Variants in PEBP4 observed in about 807,000 individuals in gnomAD.
PEBP4 encodes the protein phosphatidylethanolamine-binding protein 4.
Under a neutral mutation model 23.9 loss-of-function variants are expected in PEBP4, and 22 were observed. The ratio of observed to expected loss-of-function variants is 0.92; its 90% CI spans 0.66 to 1.31. PEBP4 has a LOEUF of 1.31. Ranked by LOEUF, PEBP4 falls within the 40% of genes most tolerant of loss-of-function variation. The pLI is 0.00. For synonymous variants in PEBP4, 112 were observed against 99.3 expected, an observed-to-expected ratio of 1.13 and a Z score of -0.76; for missense variants, 324 against 281.7, an observed-to-expected ratio of 1.15 and a Z score of -1.07.
chr8:22,722,543 C>G (rs1293850524), intron 6 of PEBP4, among the ~76,000 whole-genome samples: 1 of 152,216 alleles, frequency 6.6e-6, no homozygotes, highest in Non-Finnish European at 1.5e-5. Flanking sequence ...CCACAGACTT[C>G]CAATTGTCCT....
intron 4 of PEBP4, among the ~76,000 whole-genome samples, chr8:22,737,918 C>T (rs1168993306): frequency 1.3e-5 from 2 of 152,078 alleles, no homozygotes; most frequent in Non-Finnish European, 2.9e-5. Flanking sequence ...CCGGCGGGAC[C>T]CTGGAGGGAA....
At chr8:22,854,837 G>A (rs1235717242) in intron 3 of PEBP4, among the ~76,000 whole-genome samples, 1 of 151,938 alleles carries the variant, frequency 6.6e-6, no homozygotes, top group Non-Finnish European at 1.5e-5. Context: ...TCTACTGAAG[G>A]TTTTATTTGC....
chr8:22,779,165 T>C (rs1238729173), intron 4 of PEBP4, among the ~76,000 whole-genome samples: 2 of 151,816 alleles, frequency 1.3e-5, no homozygotes, highest in Non-Finnish European at 2.9e-5. Flanking sequence ...GGGTTTGGGA[T>C]CCTGAGAAGG....
At chr8:22,714,431 G>A (rs1416128726) in intron 6 of PEBP4, among the ~76,000 whole-genome samples, 3 of 151,894 alleles carry the variant, frequency 2.0e-5, no homozygotes, top group South Asian at 2.1e-4. Context: ...ATAGCAAATC[G>A]CTTGTTGGTG....
chr8:22,902,426 G>A (rs963391308), intron 3 of PEBP4, among the ~76,000 whole-genome samples: 6 of 152,168 alleles, frequency 3.9e-5, no homozygotes, highest in Non-Finnish European at 2.9e-5. Context: ...AAGTTCCCTG[G>A]ATCACCTGGT....
chr8:22,920,360 T>A, intron 2 of PEBP4, 50 bp from the exon 3 acceptor site: 1 of 1,578,966 alleles, frequency 6.3e-7, no homozygotes, highest in East Asian at 2.3e-5. Flanking sequence ...TAAGGGAGCC[T>A]GGGGTTCCCA....
At chr8:22,743,314 C>T (rs1450574957) in intron 4 of PEBP4, among the ~76,000 whole-genome samples, 4 of 152,122 alleles carry the variant, frequency 2.6e-5, no homozygotes, top group African/African-American at 9.7e-5. Flanking sequence ...GGAGAAACCC[C>T]CTCAGTTTCT....
rs545095601 is a variant in PEBP4, at chr8:22,896,265, A to G, written c.258+23919T>C. The G allele has an allele frequency of 4.6e-5, 7 of 152,376 alleles. No homozygotes were observed. The East Asian group carries it at 1.2e-3, about 25-fold the overall frequency. 9.4% of individuals were successfully genotyped at this position (152,376 alleles called of 1,614,324 possible). A position where few individuals can be genotyped will look rare whatever the true frequency, so the allele number is the denominator to read the frequency against. On this transcript the variant is annotated intron_variant, in intron 3 of 6. Transcript: ENST00000256404. ...CTAGAGAAATACATAGGCCACGGTA[A>G]TACTAATTAATCAGGAATGGTTGAG...
rs139776047 is a variant in PEBP4, at chr8:22,890,712, A to G, written c.258+29472T>C. 9.2e-5 allele frequency among the ~76,000 whole-genome samples: 14 copies of G among 152,314 alleles called. No individual in the cohort carries two copies. In the East Asian group the frequency reaches 9.7e-4, roughly 11 times the overall value. On this transcript the variant is annotated intron_variant, in intron 3 of 6. Coordinates refer to ENST00000256404, the MANE Select transcript of PEBP4 (RefSeq NM_144962.3). ...CGCACAGAGTTTGGAATTAGACAAC[A>G]TGGGTTTGAGTCCTGACTTTTACCG...
At chr8:22,799,251 T>C (rs1348934093) in intron 4 of PEBP4, among the ~76,000 whole-genome samples, 1 of 152,250 alleles carries the variant, frequency 6.6e-6, no homozygotes, top group Non-Finnish European at 1.5e-5. Flanking sequence ...CTTCCTGCTC[T>C]GTTTTCCTTT....
At chr8:22,921,940 T>C (rs1809210332) in intron 2 of PEBP4, among the ~76,000 whole-genome samples, 1 of 152,090 alleles carries the variant, frequency 6.6e-6, no homozygotes, top group Non-Finnish European at 1.5e-5. Flanking sequence ...AACTGAGAGG[T>C]AGGGAGGAGG....
intron 3 of PEBP4, among the ~76,000 whole-genome samples, chr8:22,855,210 T>C (rs919831686): frequency 3.9e-5 from 6 of 152,118 alleles, no homozygotes; most frequent in Non-Finnish European, 7.4e-5. Flanking sequence ...CCACCTGTAA[T>C]TGCCTGGGTG....
intron 3 of PEBP4, among the ~76,000 whole-genome samples, chr8:22,859,825 C>T (rs1807727685): frequency 6.6e-6 from 1 of 151,996 alleles, no homozygotes; most frequent in African/African-American, 2.4e-5. Flanking sequence ...TCTTGCCTTA[C>T]ATCTTTGTTT....
chr8:22,831,049 C>T (rs1807074912), intron 3 of PEBP4, among the ~76,000 whole-genome samples: 1 of 152,162 alleles, frequency 6.6e-6, no homozygotes, highest in Admixed American at 6.5e-5. Context: ...CTCCTGCACC[C>T]TGTATTCCAG....
rs1461553753 is a variant in PEBP4 at position 22,809,448 on chromosome 8, A to G, written c.357+8189T>C. On this transcript the variant is annotated intron_variant, in intron 4 of 6. Coordinates refer to ENST00000256404, the MANE Select transcript of PEBP4 (RefSeq NM_144962.3). ...CTGAGCCCCCACACATGGCCACAAT[A>G]TAAGCTGTCACCTGGGCTGGGCCTA... 2.6e-5 allele frequency among the ~76,000 whole-genome samples: 4 copies of G among 152,198 alleles called. No homozygotes were observed. In the East Asian group the frequency reaches 7.7e-4, roughly 29 times the overall value.
chr8:22,940,692 T>C (rs1046665253), intron 1 of PEBP4, among the ~76,000 whole-genome samples: 8 of 152,206 alleles, frequency 5.3e-5, no homozygotes, highest in African/African-American at 1.2e-4. Flanking sequence ...GGTTTCACCA[T>C]GTTAGCCAGG....
intron 3 of PEBP4, among the ~76,000 whole-genome samples, chr8:22,890,497 A>C (rs1454052098): frequency 6.6e-6 from 1 of 152,246 alleles, no homozygotes; most frequent in East Asian, 1.9e-4. Context: ...CATTATTTAC[A>C]TGGGGAAGGT....
At chr8:22,720,856 G>A (rs75364103) in intron 6 of PEBP4, among the ~76,000 whole-genome samples, 1,539 of 152,276 alleles carry the variant, frequency 0.01, 25 homozygotes, top group African/African-American at 0.035. Context: ...ATGAGAGCAG[G>A]GACACCATCA....
At chr8:22,890,518 C>T (rs986468825) in intron 3 of PEBP4, among the ~76,000 whole-genome samples, 1 of 152,214 alleles carries the variant, frequency 6.6e-6, no homozygotes. Flanking sequence ...ATCATTAGCC[C>T]TATCTTTCAA....
Sources: gnomAD v4.1 joint callset for allele counts (sites outside exome capture counted in the v4.1 genomes callset) on GRCh38, gnomAD v4.1.1 for gene constraint, MANE v1.5 for transcripts, NCBI Gene and HGNC (gene_info 2026-07-23, HGNC 2026-07-21) for gene names.